Variants in BRMS1L observed in about 807,000 individuals in gnomAD.
BRMS1L encodes the protein breast cancer metastasis-suppressor 1-like protein.
A neutral mutation model predicts 50.3 loss-of-function variants in BRMS1L; 23 were observed. The observed-to-expected ratio is 0.46, with a 90% confidence interval of 0.33 to 0.65. BRMS1L has a LOEUF of 0.65. Ranked by LOEUF, BRMS1L falls within the 30% of genes least tolerant of loss-of-function variation. BRMS1L has a pLI of 0.02. For missense variants in BRMS1L, 286 were observed against 386.1 expected, an observed-to-expected ratio of 0.74 and a Z score of 2.17; for synonymous variants, 114 against 126.9, an observed-to-expected ratio of 0.90 and a Z score of 0.69.
chr14:35,866,905 C>T (rs1349064527), intron 8 of BRMS1L, among the ~76,000 whole-genome samples: 2 of 152,120 alleles, frequency 1.3e-5, no homozygotes, highest in Admixed American at 1.3e-4. Flanking sequence ...CCCTCCCACT[C>T]TTATCTTCAG....
At chr14:35,832,027 T>C (rs909195455) in intron 2 of BRMS1L, among the ~76,000 whole-genome samples, 1 of 152,194 alleles carries the variant, frequency 6.6e-6, no homozygotes, top group African/African-American at 2.4e-5. Flanking sequence ...TTAGAGTATT[T>C]GTAAGTGGCC....
At chr14:35,862,772 T>C in intron 5 of BRMS1L, 86 bp downstream of exon 5, 2 of 657,916 alleles carry the variant, frequency 3.0e-6, no homozygotes, top group East Asian at 6.6e-5. Context: ...AGTCTTCTAA[T>C]ATTAATATTA....
intron 3 of BRMS1L, among the ~76,000 whole-genome samples, chr14:35,833,532 T>C (rs533421020): frequency 6.6e-6 from 1 of 152,298 alleles, no homozygotes; most frequent in East Asian, 1.9e-4. Flanking sequence ...CAGGATATTA[T>C]AGAACAGGAA....
chr14:35,834,766 A>G, intron 3 of BRMS1L, 78 bp from the exon 4 acceptor site: 1 of 991,146 alleles, frequency 1.0e-6, no homozygotes, highest in Non-Finnish European at 1.4e-6. Flanking sequence ...AAATACAGTG[A>G]GGACAGAATT....
intron 1 of BRMS1L, chr14:35,829,721 A>G (rs1262505936): frequency 1.4e-5 from 9 of 638,960 alleles, no homozygotes; most frequent in Non-Finnish European, 1.8e-5. Context: ...TCTGTTTTAG[A>G]AAATGAGAAA....
At position 35,826,382 on chromosome 14, in the gene BRMS1L, G is replaced by A; in HGVS notation, c.-135G>A. 2 of 1,346,940 alleles carry A rather than the reference G, an allele frequency of 1.5e-6. No individual in the cohort carries two copies. The highest frequency in any genetic ancestry group is 2.0e-6 in the Non-Finnish European group (2 of 986,080). The allele number at this position is 1,346,940 out of a possible 1,614,324, so 83.4% of individuals were successfully genotyped here. A position where few individuals can be genotyped will look rare whatever the true frequency, so the allele number is the denominator to read the frequency against. ...CTGCGGGTTAGGTTGTGAGGCCCGG[G>A]CCGGGGGCGGGGAGGAGCCAAGGGG... On this transcript the variant is annotated 5_prime_UTR_variant, in exon 1 of 10. Transcript: ENST00000216807.
intron 8 of BRMS1L, 117 bp from the exon 9 acceptor site, chr14:35,867,789 A>G: frequency 1.0e-6 from 1 of 967,248 alleles, no homozygotes; most frequent in Non-Finnish European, 1.4e-6. Context: ...TTATTTAAGA[A>G]ATATTTTTAG....
chr14:35,862,882 T>TA (rs1318853708), intron 5 of BRMS1L, among the ~76,000 whole-genome samples, 196 bp downstream of exon 5: 3 of 152,120 alleles, frequency 2.0e-5, no homozygotes, highest in Admixed American at 2.0e-4. Context: ...TAGAAAGATG[T>TA]AAAAAATGGA....
At position 35,870,631 on chromosome 14, in the gene BRMS1L, T is replaced by A. The variant is rs948207064; in HGVS notation, c.*154T>A. Reference sequence around the variant, plus strand: ...GTACTCTAAATAGATCTCATTGATATGTTATTAAAAGAAACAGTAATAAAA... The same window carrying A: ...GTACTCTAAATAGATCTCATTGATAAGTTATTAAAAGAAACAGTAATAAAA... On this transcript the variant is annotated 3_prime_UTR_variant, in exon 10 of 10. Transcript: ENST00000216807. 4 of 437,280 alleles carry A rather than the reference T, an allele frequency of 9.1e-6. No individual in the cohort carries two copies. The highest frequency in any genetic ancestry group is 1.7e-5 in the Non-Finnish European group (4 of 239,322). 27.1% of individuals were successfully genotyped at this position (437,280 alleles called of 1,614,324 possible). A position where few individuals can be genotyped will look rare whatever the true frequency, so the allele number is the denominator to read the frequency against.
chr14:35,831,521 G>A (rs1567298949), intron 2 of BRMS1L, 21 bp downstream of exon 2: 1 of 1,561,626 alleles, frequency 6.4e-7, no homozygotes, highest in East Asian at 2.2e-5. Flanking sequence ...ACTTTAGAAG[G>A]CCATTGTCAC....
chr14:35,862,918 G>T (rs1250177663), intron 5 of BRMS1L, among the ~76,000 whole-genome samples: 5 of 152,172 alleles, frequency 3.3e-5, no homozygotes, highest in African/African-American at 4.8e-5. Flanking sequence ...CGAAACAGAA[G>T]TATGACAGGA....
intron 4 of BRMS1L, among the ~76,000 whole-genome samples, chr14:35,861,416 T>C (rs2078349433): frequency 6.6e-6 from 1 of 152,176 alleles, no homozygotes; most frequent in Non-Finnish European, 1.5e-5. Flanking sequence ...CACGGTCTTG[T>C]GGAGGGGAAC....
chr14:35,848,184 G>T (rs1404765781), intron 4 of BRMS1L, among the ~76,000 whole-genome samples: 1 of 152,046 alleles, frequency 6.6e-6, no homozygotes, highest in Non-Finnish European at 1.5e-5. Context: ...TATACTTAAG[G>T]TGTATAGCAT....
chr14:35,868,020 A>G lies in BRMS1L; in HGVS notation c.842A>G (p.Glu281Gly). 1 of 1,595,904 alleles carries G rather than the reference A, an allele frequency of 6.3e-7. No homozygotes were observed. Among genetic ancestry groups the G allele is most frequent in the South Asian group, 1.1e-5 (1 of 87,280 alleles). The change falls in exon 9 of 10, where the codon GAA becomes GGA. Residue 281 changes from glutamate (E) to glycine (G), a missense_variant. Coordinates refer to ENST00000216807, the MANE Select transcript of BRMS1L (RefSeq NM_032352.4). ...ACAATATGTATTGATAAAAAAGATG[A>G]ATGTCCTACAAGGTAAAAAAGCCTT... ...GQTICIDKKDECPTSAVITTI... is the reference protein window; with the variant it reads ...GQTICIDKKDGCPTSAVITTI...
intron 4 of BRMS1L, among the ~76,000 whole-genome samples, chr14:35,855,036 C>T (rs1216159454): frequency 6.6e-6 from 1 of 152,226 alleles, no homozygotes; most frequent in African/African-American, 2.4e-5. Flanking sequence ...TTTTGGTTTA[C>T]TTTTACATTG....
At chr14:35,832,906 T>C in intron 2 of BRMS1L, 72 bp from the exon 3 acceptor site, 1 of 1,338,472 alleles carries the variant, frequency 7.5e-7, no homozygotes, top group Non-Finnish European at 1.0e-6. Flanking sequence ...GAACAAATAA[T>C]GTATAGAAAT....
intron 4 of BRMS1L, among the ~76,000 whole-genome samples, chr14:35,844,375 T>A (rs2078106083): frequency 6.6e-6 from 1 of 152,122 alleles, no homozygotes; most frequent in Non-Finnish European, 1.5e-5. Flanking sequence ...GAAAGCGTAG[T>A]ATCAGGGGCA....
intron 4 of BRMS1L, among the ~76,000 whole-genome samples, chr14:35,841,804 G>A (rs2078067739): frequency 6.6e-6 from 1 of 151,980 alleles, no homozygotes; most frequent in South Asian, 2.1e-4. Flanking sequence ...TTACTGTGTG[G>A]GAGTCTCTTT....
rs1594352062 is a variant in BRMS1L, at chr14:35,868,164, A to G, written c.854+132A>G. The G allele has an allele frequency of 6.1e-6, 5 of 815,452 alleles. No individual in the cohort carries two copies. In the East Asian group the frequency reaches 1.4e-4, roughly 24 times the overall value. The allele number at this position is 815,452 out of a possible 1,614,324, so 50.5% of individuals were successfully genotyped here. ...TGTGGATCCTTTTTTCACTTGACAT[A>G]TGGCTTGATTACATGTGTGTACAGC... On this transcript the variant is annotated intron_variant, in intron 9 of 9. Transcript: ENST00000216807.
Sources: allele counts gnomAD v4.1 joint callset (sites outside exome capture counted in the v4.1 genomes callset), GRCh38; gene constraint gnomAD v4.1.1; transcripts MANE v1.5; gene names NCBI Gene and HGNC (gene_info 2026-07-23, HGNC 2026-07-21).